TMTC1: variants seen among roughly 807,000 people sequenced by gnomAD.
TMTC1 encodes the protein protein O-mannosyl-transferase TMTC1.
Under a neutral mutation model 104.8 loss-of-function variants are expected in TMTC1, and 73 were observed. That is an observed-to-expected ratio of 0.70 (90% CI 0.58 to 0.85). The LOEUF is 0.85. Ranked by LOEUF, TMTC1 falls within the 40% of genes least tolerant of loss-of-function variation. TMTC1 has a pLI of 0.00. For synonymous variants in TMTC1, 434 were observed against 428.7 expected, an observed-to-expected ratio of 1.01 and a Z score of -0.15; for missense variants, 1,035 against 1,096.1, an observed-to-expected ratio of 0.94 and a Z score of 0.79.
intron 10 of TMTC1, among the ~76,000 whole-genome samples, chr12:29,552,386 T>C (rs987231776): frequency 6.6e-6 from 1 of 152,220 alleles, no homozygotes; most frequent in South Asian, 2.1e-4. Flanking sequence ...TACATTAGGG[T>C]TAAATAAATA....
chr12:29,643,462 G>T (rs1938973946), intron 5 of TMTC1, among the ~76,000 whole-genome samples: 3 of 32,526 alleles, frequency 9.2e-5, no homozygotes, highest in African/African-American at 3.2e-4. Context: ...ATATATGATG[G>T]AATATATATA....
chr12:29,584,078 C>T (rs1164767853), intron 7 of TMTC1, among the ~76,000 whole-genome samples: 1 of 152,144 alleles, frequency 6.6e-6, no homozygotes, highest in Non-Finnish European at 1.5e-5. Context: ...TCTCTGTTTC[C>T]AGGGCCAGCT....
chr12:29,527,451 G>A (rs1166505863), intron 11 of TMTC1, among the ~76,000 whole-genome samples: 1 of 152,308 alleles, frequency 6.6e-6, no homozygotes, highest in Non-Finnish European at 1.5e-5. Flanking sequence ...GTGGGGGGCA[G>A]CCAAGAGTGG....
Position 29,572,056 on chromosome 12 carries a change from A to T in TMTC1, c.1532+49T>A, listed in dbSNP as rs1454748370. The T allele has an allele frequency of 2.1e-6, 3 of 1,450,932 alleles. No homozygotes were observed. The Admixed American group carries it at 5.1e-5, about 25-fold the overall frequency. The allele number at this position is 1,450,932 out of a possible 1,614,324, so 89.9% of individuals were successfully genotyped here. A position where few individuals can be genotyped will look rare whatever the true frequency, so the allele number is the denominator to read the frequency against. ...ACTGGGAGGGCCAAGTGAAATAAACAACGGTCTTTAAAGCACCAAGGCCAA... is the reference window on the plus strand; with the variant it reads ...ACTGGGAGGGCCAAGTGAAATAAACTACGGTCTTTAAAGCACCAAGGCCAA... On this transcript the variant is annotated intron_variant, in intron 9 of 17. Transcript: ENST00000539277.
intron 5 of TMTC1, among the ~76,000 whole-genome samples, chr12:29,668,229 T>C (rs563529240): frequency 6.6e-6 from 1 of 152,216 alleles, no homozygotes; most frequent in Admixed American, 6.5e-5. Flanking sequence ...GAGTGCAAGA[T>C]CAAGGCACCA....
At position 29,653,216 on chromosome 12, in the gene TMTC1, T is replaced by C. The variant is rs531057374; in HGVS notation, c.939-19880A>G. On this transcript the variant is annotated intron_variant, in intron 5 of 17. Coordinates refer to ENST00000539277, the MANE Select transcript of TMTC1 (RefSeq NM_001193451.2). ...GCCAGCTAGAAATATCATTTGAAAA[T>C]GACATGGAGGACCTGAGGAGAGTAA... Among the ~76,000 whole-genome samples the C allele has an allele frequency of 3.3e-5, 5 of 151,916 alleles. No homozygotes were observed. In the South Asian group the frequency reaches 1.0e-3, roughly 32 times the overall value.
intron 8 of TMTC1, among the ~76,000 whole-genome samples, chr12:29,580,747 C>T (rs1945956537): frequency 6.6e-6 from 1 of 152,122 alleles, no homozygotes; most frequent in Non-Finnish European, 1.5e-5. Flanking sequence ...CAGCTCAGAC[C>T]TACAAGAGCA....
At chr12:29,600,014 T>A (rs1446409824) in intron 7 of TMTC1, among the ~76,000 whole-genome samples, 1,555 of 131,848 alleles carry the variant, frequency 0.012, 42 homozygotes, top group African/African-American at 0.054. Flanking sequence ...ATATATTTTT[T>A]TTTTTTTTTC....
chr12:29,670,068 T>A (rs1940448119), intron 5 of TMTC1, among the ~76,000 whole-genome samples: 1 of 152,224 alleles, frequency 6.6e-6, no homozygotes, highest in Non-Finnish European at 1.5e-5. Context: ...GACTAAATAA[T>A]CCATGCAATA....
intron 7 of TMTC1, among the ~76,000 whole-genome samples, chr12:29,601,939 C>T (rs972861522): frequency 6.7e-6 from 1 of 149,798 alleles, no homozygotes; most frequent in Non-Finnish European, 1.5e-5. Context: ...GGGTTCACAC[C>T]ATTCTCCTTC....
rs1272295929 is a variant in TMTC1 at position 29,551,027 on chromosome 12, G to C, written c.1676+5830C>G. Among the ~76,000 whole-genome samples the C allele has an allele frequency of 3.3e-5, 5 of 151,256 alleles. No homozygotes were observed. In the South Asian group the frequency reaches 1.0e-3, roughly 32 times the overall value. On this transcript the variant is annotated intron_variant, in intron 10 of 17. Transcript: ENST00000539277. ...ACATGATTTGGACAAAGATGAAGGG[G>C]AGCAAGTGTAATGGGATTGGGACTA...
intron 5 of TMTC1, among the ~76,000 whole-genome samples, chr12:29,707,818 C>T (rs1188828912): frequency 6.6e-6 from 1 of 152,144 alleles, no homozygotes; most frequent in African/African-American, 2.4e-5. Flanking sequence ...TCACCTGCCA[C>T]AGCACTTAAA....
chr12:29,583,572 A>C lies in TMTC1; in HGVS notation c.1253T>G (p.Met418Arg). The C allele has an allele frequency of 1.2e-6, 2 of 1,612,306 alleles. No individual in the cohort carries two copies. The highest frequency in any genetic ancestry group is 1.7e-6 in the Non-Finnish European group (2 of 1,179,128). ...VAERVLYMPS[M>R]GYCILFVHGL... Reference sequence around the variant, plus strand: ...ATGCACAAAAAGGATGCAGTAGCCCATGCTGGAAAACAGGGTGGAAGGAAC... The same window carrying C: ...ATGCACAAAAAGGATGCAGTAGCCCCTGCTGGAAAACAGGGTGGAAGGAAC... Residue 418 changes from methionine to arginine, a missense_variant and splice_region_variant, in exon 8 of 18, where the codon ATG becomes AGG. Coordinates refer to ENST00000539277, the MANE Select transcript of TMTC1 (RefSeq NM_001193451.2).
intron 5 of TMTC1, among the ~76,000 whole-genome samples, chr12:29,688,300 T>C (rs1347976304): frequency 1.3e-5 from 2 of 152,224 alleles, no homozygotes; most frequent in Non-Finnish European, 2.9e-5. Flanking sequence ...CAGAATGATT[T>C]ATATCTTTAT....
intron 5 of TMTC1, among the ~76,000 whole-genome samples, chr12:29,699,787 A>T (rs570989826): frequency 1.3e-5 from 2 of 150,724 alleles, no homozygotes; most frequent in East Asian, 4.0e-4. Context: ...CTACAGGCGC[A>T]CACCAACAAG....
rs1943698500 is a variant in TMTC1 at position 29,506,587 on chromosome 12, A to G, written c.*259T>C. The stretch of plus-strand genomic sequence containing the variant: ...AGAGAAATCTGGAGTTAAACCAAAC[A>G]AAAATCTGTAAAATGTGTAAATGTC... On this transcript the variant is annotated 3_prime_UTR_variant, in exon 18 of 18. Transcript: ENST00000539277. 1 of 428,550 alleles carries G rather than the reference A, an allele frequency of 2.3e-6. No individual in the cohort carries two copies. The highest frequency in any genetic ancestry group is 4.2e-6 in the Non-Finnish European group (1 of 236,340). The allele number at this position is 428,550 out of a possible 1,614,324, so 26.5% of individuals were successfully genotyped here.
intron 6 of TMTC1, among the ~76,000 whole-genome samples, chr12:29,620,244 A>G (rs895101334): frequency 6.6e-6 from 1 of 152,112 alleles, no homozygotes; most frequent in Non-Finnish European, 1.5e-5. Context: ...GGTGCAGGGA[A>G]GATCAGAGAG....
intron 7 of TMTC1, among the ~76,000 whole-genome samples, chr12:29,599,695 A>G (rs1410894264): frequency 6.6e-6 from 1 of 152,182 alleles, no homozygotes; most frequent in Non-Finnish European, 1.5e-5. Flanking sequence ...GAGCAACTAA[A>G]GCTAGGATTT....
chr12:29,751,124 T>C (rs1199220427), intron 5 of TMTC1, among the ~76,000 whole-genome samples: 1 of 152,212 alleles, frequency 6.6e-6, no homozygotes, highest in Non-Finnish European at 1.5e-5. Flanking sequence ...GACAGCCTAA[T>C]TTAGGGAGCA....
Sources: allele counts gnomAD v4.1 joint callset (sites outside exome capture counted in the v4.1 genomes callset), GRCh38; gene constraint gnomAD v4.1.1; transcripts MANE v1.5; gene names NCBI Gene and HGNC (gene_info 2026-07-23, HGNC 2026-07-21).